Variants in SLC6A15 observed in about 807,000 individuals in gnomAD.
SLC6A15 encodes the protein sodium-dependent neutral amino acid transporter B(0)AT2.
In SLC6A15, 33 loss-of-function variants were observed where a neutral mutation model predicts 68.5. That is an observed-to-expected ratio of 0.48 (90% confidence interval 0.37 to 0.64). The LOEUF (loss-of-function observed/expected upper bound fraction) is 0.64, where lower values mean the gene tolerates loss of function less well. Ranked by LOEUF, SLC6A15 falls within the 30% of genes least tolerant of loss-of-function variation. The pLI is 0.00. For synonymous variants in SLC6A15, 347 were observed against 301.0 expected, an observed-to-expected ratio of 1.15 and a Z score of -1.58; for missense variants, 747 against 874.3, an observed-to-expected ratio of 0.85 and a Z score of 1.84.
At chr12:84,877,502 G>A (rs1022921711) in intron 5 of SLC6A15, among the ~76,000 whole-genome samples, 1 of 152,206 alleles carries the variant, frequency 6.6e-6, no homozygotes, top group South Asian at 2.1e-4. Flanking sequence ...GTGCCTGCTT[G>A]CCTGGCCACC....
At chr12:84,877,409 T>G (rs1565724210) in intron 5 of SLC6A15, among the ~76,000 whole-genome samples, 1 of 152,204 alleles carries the variant, frequency 6.6e-6, no homozygotes, top group Non-Finnish European at 1.5e-5. Flanking sequence ...TGTCATACCC[T>G]GCTTAAAACA....
Position 84,876,494 on chromosome 12 carries a change from T to C in SLC6A15, c.867+3A>G, listed in dbSNP as rs761624072. 1 of 1,479,206 alleles carries C rather than the reference T, an allele frequency of 6.8e-7. No individual in the cohort carries two copies. The highest frequency in any genetic ancestry group is 9.3e-7 in the Non-Finnish European group (1 of 1,074,264). The allele number at this position is 1,479,206 out of a possible 1,614,324, so 91.6% of individuals were successfully genotyped here. On this transcript the variant is annotated splice_donor_region_variant and intron_variant, in intron 6 of 11. Coordinates refer to ENST00000266682, the MANE Select transcript of SLC6A15 (RefSeq NM_182767.6). ...AAGCCTTAAATAGAAATATGGTACA[T>C]ACCTTAGGGGTAAACATGTGGCGAA...
At chr12:84,870,844 G>C (rs529582583) in intron 8 of SLC6A15, among the ~76,000 whole-genome samples, 174 bp from the exon 9 acceptor site, 1 of 152,160 alleles carries the variant, frequency 6.6e-6, no homozygotes, top group Non-Finnish European at 1.5e-5. Context: ...TCAGAACCTG[G>C]ATTTAATTAG....
intron 1 of SLC6A15, among the ~76,000 whole-genome samples, chr12:84,901,879 T>A (rs1002872488): frequency 6.6e-6 from 1 of 151,864 alleles, no homozygotes; most frequent in African/African-American, 2.4e-5. Flanking sequence ...AATGTTTAAT[T>A]ATTTATAGAT....
chr12:84,892,753 T>A (rs1872471556), intron 1 of SLC6A15, among the ~76,000 whole-genome samples: 1 of 152,164 alleles, frequency 6.6e-6, no homozygotes, highest in Non-Finnish European at 1.5e-5. Context: ...CGTCATTCAC[T>A]CATTTGATAT....
chr12:84,879,167 G>T (rs1190467490), intron 5 of SLC6A15, among the ~76,000 whole-genome samples: 17 of 151,892 alleles, frequency 1.1e-4, no homozygotes, highest in Admixed American at 1.1e-3. Flanking sequence ...AGCAGTCGTT[G>T]AGCTTTGTAC....
intron 1 of SLC6A15, among the ~76,000 whole-genome samples, chr12:84,898,250 A>G (rs1181888680): frequency 6.6e-6 from 1 of 152,196 alleles, no homozygotes; most frequent in Non-Finnish European, 1.5e-5. Context: ...CTGAGGCACA[A>G]GAATCACTTG....
chr12:84,870,624 A>G lies in SLC6A15; in HGVS notation c.1349T>C (p.Met450Thr). ...GLAFIAFTEA[M>T]THFPASPFWS... ...GAAGGGAGATGCAGGAAAATGTGTC[A>G]TCGCTTCTGTAAAGGCAATAAAAGC... Residue 450 changes from methionine (M) to threonine (T), a missense_variant, in exon 9 of 12, where the codon ATG (methionine) becomes ACG (threonine). Physicochemically the swap from Met to Thr is moderately conservative, Grantham distance 81 (BLOSUM62 -1). Coordinates refer to ENST00000266682, the MANE Select transcript of SLC6A15 (RefSeq NM_182767.6). 6.2e-7 allele frequency: 1 copy of G among 1,612,434 alleles called. No homozygotes were observed. The highest frequency in any genetic ancestry group is 8.5e-7 in the Non-Finnish European group (1 of 1,179,152).
At position 84,885,982 on chromosome 12, in the gene SLC6A15, G is replaced by A. The variant is rs910909379; in HGVS notation, c.376C>T (p.Arg126Trp). ...TTCCATACACCAATGCTGCCTCGCC[G>A]AATTCTTTGACCCACAGAGAGTTCC... The part of the protein sequence containing the change: ...FLELSVGQRI[R>W]RGSIGVWNYI... Residue 126 changes from arginine (R) to tryptophan (W), a missense_variant, in exon 3 of 12, where the codon CGG (arginine) becomes TGG (tryptophan). Transcript: ENST00000266682. 4 of 1,612,708 alleles carry A rather than the reference G, an allele frequency of 2.5e-6. No individual in the cohort carries two copies. The highest frequency in any genetic ancestry group is 1.3e-5 in the African/African-American group (1 of 74,804).
At chr12:84,877,015 T>C (rs1471243729) in intron 5 of SLC6A15, among the ~76,000 whole-genome samples, 1 of 152,242 alleles carries the variant, frequency 6.6e-6, no homozygotes, top group Non-Finnish European at 1.5e-5. Context: ...AAATTTTCAT[T>C]GTGATTCTGT....
At chr12:84,883,610 A>T (rs1170416122) in intron 5 of SLC6A15, 2 of 1,401,194 alleles carry the variant, frequency 1.4e-6, no homozygotes, top group Non-Finnish European at 9.3e-7. Flanking sequence ...TATTCACAAA[A>T]ATTTTAAAGA....
At chr12:84,881,027 A>T (rs1871797757) in intron 5 of SLC6A15, 1 of 190,306 alleles carries the variant, frequency 5.3e-6, no homozygotes, top group Non-Finnish European at 9.7e-6. Context: ...TATGCAAATT[A>T]TCTAGCTGAT....
intron 1 of SLC6A15, among the ~76,000 whole-genome samples, chr12:84,898,674 A>C (rs1473495293): frequency 1.3e-5 from 2 of 152,210 alleles, no homozygotes; most frequent in Non-Finnish European, 2.9e-5. Flanking sequence ...GCACACTGAG[A>C]GGACTCAATA....
intron 5 of SLC6A15, 140 bp from the exon 6 acceptor site, chr12:84,876,747 A>AT: frequency 2.0e-6 from 1 of 496,058 alleles, no homozygotes; most frequent in South Asian, 3.7e-5. Context: ...TTCTAAAGCC[A>AT]TTTTTTAAGA....
rs759839064 is a variant in SLC6A15 at position 84,859,539 on chromosome 12, C to T, written c.*2093G>A. 2.0e-5 allele frequency: 3 copies of T among 151,586 alleles called. No homozygotes were observed. The highest frequency in any genetic ancestry group is 4.4e-5 in the Non-Finnish European group (3 of 67,822). 9.4% of individuals were successfully genotyped at this position (151,586 alleles called of 1,614,324 possible). A position where few individuals can be genotyped will look rare whatever the true frequency, so the allele number is the denominator to read the frequency against. On this transcript the variant is annotated 3_prime_UTR_variant, in exon 12 of 12. Coordinates refer to ENST00000266682, the MANE Select transcript of SLC6A15 (RefSeq NM_182767.6). ...TTGCTTTCACTATATTTATATACAT[C>T]AAAACAGCATGTTGTACACCTTAGA...
chr12:84,905,835 A>T (rs1873117068), intron 1 of SLC6A15, among the ~76,000 whole-genome samples: 1 of 152,234 alleles, frequency 6.6e-6, no homozygotes, highest in Non-Finnish European at 1.5e-5. Flanking sequence ...AAAGAAGAAC[A>T]GCCAAGTTAC....
chr12:84,902,769 C>A (rs1191723695), intron 1 of SLC6A15, among the ~76,000 whole-genome samples: 3 of 151,884 alleles, frequency 2.0e-5, no homozygotes, highest in Admixed American at 2.0e-4. Context: ...ACATATATAA[C>A]AATTTTTATA....
At chr12:84,870,747 G>T in intron 8 of SLC6A15, 77 bp from the exon 9 acceptor site, 1 of 859,564 alleles carries the variant, frequency 1.2e-6, no homozygotes, top group East Asian at 2.8e-5. Flanking sequence ...TTACAATGAG[G>T]AGGAAAGATC....
At chr12:84,904,588 G>T (rs184243107) in intron 1 of SLC6A15, among the ~76,000 whole-genome samples, 3 of 152,254 alleles carry the variant, frequency 2.0e-5, no homozygotes, top group Admixed American at 6.5e-5. Context: ...CTATGTAGAG[G>T]ATATGTGGTT....
Sources: gnomAD v4.1 joint callset for allele counts (sites outside exome capture counted in the v4.1 genomes callset) on GRCh38, gnomAD v4.1.1 for gene constraint, MANE v1.5 for transcripts, NCBI Gene and HGNC (gene_info 2026-07-23, HGNC 2026-07-21) for gene names.